The following CDKAL1 variants were observed in gnomAD, a reference collection of about 807,000 sequenced individuals.
CDKAL1 encodes the protein threonylcarbamoyladenosine tRNA methylthiotransferase.
A neutral mutation model predicts 68.2 loss-of-function variants in CDKAL1; 32 were observed. The observed-to-expected ratio is 0.47, with a 90% CI of 0.35 to 0.63. The LOEUF is 0.63. Ranked by LOEUF, CDKAL1 falls within the 30% of genes least tolerant of loss-of-function variation. The pLI is 0.00. For missense variants in CDKAL1, 606 were observed against 696.7 expected, an observed-to-expected ratio of 0.87 and a Z score of 1.47; for synonymous variants, 234 against 244.3, an observed-to-expected ratio of 0.96 and a Z score of 0.39.
intron 15 of CDKAL1, among the ~76,000 whole-genome samples, chr6:21,213,561 G>T (rs2151118817): frequency 6.6e-6 from 1 of 152,302 alleles, no homozygotes; most frequent in African/African-American, 2.4e-5. Context: ...CTGACTTTGA[G>T]TAGCTGTTTC....
chr6:20,788,761 C>T (rs1046426953), intron 8 of CDKAL1, among the ~76,000 whole-genome samples: 9 of 152,098 alleles, frequency 5.9e-5, no homozygotes, highest in Non-Finnish European at 1.2e-4. Flanking sequence ...TTTATTCTTT[C>T]TATTATTTAG....
chr6:20,844,258 G>A (rs1374762111), intron 8 of CDKAL1, among the ~76,000 whole-genome samples: 2 of 152,164 alleles, frequency 1.3e-5, no homozygotes, highest in African/African-American at 2.4e-5. Flanking sequence ...AAGAAGATGA[G>A]TACTGGCCAT....
rs79933332 is a variant in CDKAL1 at position 20,642,899 on chromosome 6, AAACAACAACAACAAC to A, written c.287-6362_287-6348del. ...GGGCGACACAGTGAGACTTTGTCTC[AAACAACAACAACAAC>A]AACAACAACAACAACAACAACAACA... is the stretch of plus-strand genomic sequence containing the variant. On this transcript the variant is annotated intron_variant, in intron 4 of 15. Coordinates refer to ENST00000274695, the MANE Select transcript of CDKAL1 (RefSeq NM_017774.3). Among the ~76,000 whole-genome samples the A allele has an allele frequency of 1.3e-3, 189 of 150,430 alleles. 2 individuals are homozygous for A. The highest frequency in any genetic ancestry group is 4.3e-3 in the East Asian group (22 of 5,100).
chr6:20,534,826 G>A (rs1055629815), intron 1 of CDKAL1, among the ~76,000 whole-genome samples: 2 of 152,134 alleles, frequency 1.3e-5, no homozygotes, highest in African/African-American at 4.8e-5. Context: ...TTATTGTCAG[G>A]TTTAACTTCA....
At chr6:20,950,885 A>T (rs540195191) in intron 9 of CDKAL1, among the ~76,000 whole-genome samples, 2 of 151,968 alleles carry the variant, frequency 1.3e-5, no homozygotes, top group Non-Finnish European at 2.9e-5. Context: ...TAGGAGAATC[A>T]CTTGAACCTC....
chr6:20,784,416 T>TTTTTC (rs1436574818), intron 8 of CDKAL1, among the ~76,000 whole-genome samples: 9 of 45,062 alleles, frequency 2.0e-4, no homozygotes, highest in South Asian at 1.4e-3. Context: ...TTATTTCTTT[T>TTTTTC]TTTTTTTTTT....
intron 9 of CDKAL1, among the ~76,000 whole-genome samples, chr6:20,882,694 A>C (rs1171936233): frequency 1.3e-5 from 2 of 152,176 alleles, no homozygotes; most frequent in African/African-American, 4.8e-5. Flanking sequence ...AATCACTTGA[A>C]GCATCCTAGG....
intron 6 of CDKAL1, among the ~76,000 whole-genome samples, chr6:20,746,170 C>T (rs1773657319): frequency 6.6e-6 from 1 of 152,114 alleles, no homozygotes. Context: ...TACTGGCACC[C>T]TTCTAGCCTG....
intron 4 of CDKAL1, among the ~76,000 whole-genome samples, chr6:20,642,093 A>T (rs1391785225): frequency 6.6e-6 from 1 of 152,180 alleles, no homozygotes; most frequent in African/African-American, 2.4e-5. Flanking sequence ...TTTTAAAATT[A>T]TGCGAGATCA....
At chr6:20,873,089 G>A (rs1382863767) in intron 9 of CDKAL1, among the ~76,000 whole-genome samples, 4 of 152,084 alleles carry the variant, frequency 2.6e-5, no homozygotes, top group Non-Finnish European at 5.9e-5. Flanking sequence ...CTGTGGCTCC[G>A]TTTAAAAATT....
chr6:20,701,719 A>G (rs970197460), intron 5 of CDKAL1, among the ~76,000 whole-genome samples: 3 of 152,048 alleles, frequency 2.0e-5, no homozygotes, highest in African/African-American at 7.2e-5. Context: ...ACTTTGAGTT[A>G]TGTTCCCCCA....
chr6:20,919,653 T>A (rs193271611), intron 9 of CDKAL1, among the ~76,000 whole-genome samples: 145 of 152,342 alleles, frequency 9.5e-4, no homozygotes, highest in Non-Finnish European at 1.6e-3. Flanking sequence ...TGAACTCATT[T>A]TGTTTCTTAT....
intron 7 of CDKAL1, among the ~76,000 whole-genome samples, chr6:20,766,346 A>G (rs1173943273): frequency 3.9e-5 from 6 of 152,040 alleles, no homozygotes; most frequent in African/African-American, 1.5e-4. Context: ...GTTCAAGTTG[A>G]TAATCATATT....
intron 5 of CDKAL1, among the ~76,000 whole-genome samples, chr6:20,657,190 A>C (rs186857884): frequency 6.6e-6 from 1 of 152,324 alleles, no homozygotes; most frequent in African/African-American, 2.4e-5. Context: ...GTCGTGCTAC[A>C]CATGTGCCTT....
intron 13 of CDKAL1, among the ~76,000 whole-genome samples, chr6:21,152,142 C>CT (rs1290178617): frequency 6.6e-6 from 1 of 152,200 alleles, no homozygotes; most frequent in Non-Finnish European, 1.5e-5. Context: ...CATTCATGAT[C>CT]TTTTTTCTGT....
At chr6:21,124,152 G>A (rs1299420734) in intron 13 of CDKAL1, among the ~76,000 whole-genome samples, 1 of 152,166 alleles carries the variant, frequency 6.6e-6, no homozygotes, top group Admixed American at 6.5e-5. Context: ...TAATAGATAT[G>A]TACTTAAAAC....
chr6:20,675,422 A>G (rs1453159006), intron 5 of CDKAL1, among the ~76,000 whole-genome samples: 1 of 152,174 alleles, frequency 6.6e-6, no homozygotes, highest in Non-Finnish European at 1.5e-5. Context: ...CAATTTTGGT[A>G]ATCTGTATTT....
chr6:21,028,673 G>A (rs1024644987), intron 11 of CDKAL1, among the ~76,000 whole-genome samples: 1 of 152,158 alleles, frequency 6.6e-6, no homozygotes, highest in Non-Finnish European at 1.5e-5. Flanking sequence ...TCACACTGGG[G>A]TATTAGGGCT....
intron 9 of CDKAL1, among the ~76,000 whole-genome samples, chr6:20,890,746 C>T (rs1761350672): frequency 6.6e-6 from 1 of 151,886 alleles, no homozygotes; most frequent in Non-Finnish European, 1.5e-5. Flanking sequence ...GTGCATCAGG[C>T]GATTTGCATC....
Sources: gnomAD v4.1 joint callset for allele counts (sites outside exome capture counted in the v4.1 genomes callset) on GRCh38, gnomAD v4.1.1 for gene constraint, MANE v1.5 for transcripts, NCBI Gene and HGNC (gene_info 2026-07-23, HGNC 2026-07-21) for gene names.